Variants in UTRN observed in about 807,000 individuals in gnomAD.
The protein encoded by UTRN is dystrophin-related protein 1.
Under a neutral mutation model 463.9 loss-of-function variants are expected in UTRN, and 283 were observed. That is an observed-to-expected ratio of 0.61 (90% CI 0.55 to 0.67). UTRN has a LOEUF of 0.67. UTRN is among the 30% of genes least tolerant of loss of function. The probability of loss-of-function intolerance (pLI) is 0.00; values close to 1 mark genes in which losing one functional copy is unlikely to be tolerated. For missense variants in UTRN, 3,922 were observed against 4,084.3 expected, an observed-to-expected ratio of 0.96 and a Z score of 1.08; for synonymous variants, 1,442 against 1,431.5, an observed-to-expected ratio of 1.01 and a Z score of -0.17.
intron 51 of UTRN, among the ~76,000 whole-genome samples, chr6:144,639,990 A>G (rs1036016680): frequency 6.6e-6 from 1 of 152,146 alleles, no homozygotes; most frequent in South Asian, 2.1e-4. Context: ...GCCAGAGATG[A>G]TGCAGACAAC....
intron 58 of UTRN, among the ~76,000 whole-genome samples, chr6:144,759,906 G>A (rs1199049304): frequency 3.3e-5 from 5 of 151,922 alleles, no homozygotes; most frequent in Middle Eastern, 3.2e-3. Context: ...AGAAGTTCAC[G>A]CAAATTAATT....
chr6:144,849,003 G>A (rs1782258622), intron 74 of UTRN, among the ~76,000 whole-genome samples: 1 of 152,166 alleles, frequency 6.6e-6, no homozygotes, highest in East Asian at 1.9e-4. Context: ...GAGGAATGGG[G>A]GAGAATGGGG....
At chr6:144,826,239 A>C (rs1239112500) in intron 66 of UTRN, among the ~76,000 whole-genome samples, 1 of 152,024 alleles carries the variant, frequency 6.6e-6, no homozygotes, top group African/African-American at 2.4e-5. Context: ...CATCCCAATA[A>C]GATAATGTTC....
chr6:144,369,078 C>G (rs1331641407), intron 2 of UTRN, among the ~76,000 whole-genome samples: 1 of 152,190 alleles, frequency 6.6e-6, no homozygotes, highest in East Asian at 1.9e-4. Flanking sequence ...GAATTTCTGC[C>G]TGTGCTCAAA....
chr6:144,613,300 A>G (rs568160075), intron 51 of UTRN, among the ~76,000 whole-genome samples: 1 of 152,220 alleles, frequency 6.6e-6, no homozygotes, highest in East Asian at 1.9e-4. Context: ...AAGGAGAGAC[A>G]TGAATGAAAA....
In UTRN at chr6:144,490,084, A is replaced by C; in HGVS notation, c.4148A>C (p.Glu1383Ala). The C allele has an allele frequency of 6.2e-7, 1 of 1,610,206 alleles. No homozygotes were observed. The highest frequency in any genetic ancestry group is 8.5e-7 in the Non-Finnish European group (1 of 1,178,878). Residue 1383 changes from glutamate (E) to alanine (A), a missense_variant, in exon 31 of 75, where the codon GAG becomes GCG. Glu to Ala is a moderately radical substitution (Grantham distance 107, BLOSUM62 -1). Around this residue, in one of 3 missense-constraint regions of UTRN, gnomAD observed 2,349 missense variants for 2,303.8 expected, o/e 1.02. Coordinates refer to ENST00000367545, the MANE Select transcript of UTRN (RefSeq NM_007124.3). ...ATCTCTTTTTAGAAAATCCAAGCAG[A>C]GATCTCAGCCCATGAGCTAACCCTA... ...VPQEAQKIQAEISAHELTLEE... is the reference protein window; with the variant it reads ...VPQEAQKIQAAISAHELTLEE...
chr6:144,577,649 ATACT>A (rs1456142762), intron 51 of UTRN, among the ~76,000 whole-genome samples: 5 of 152,236 alleles, frequency 3.3e-5, no homozygotes, highest in African/African-American at 9.6e-5. Flanking sequence ...TTTATTATAC[ATACT>A]TAATATAAAA....
At chr6:144,355,689 G>T (rs1355081950) in intron 2 of UTRN, among the ~76,000 whole-genome samples, 2 of 151,980 alleles carry the variant, frequency 1.3e-5, no homozygotes, top group Non-Finnish European at 2.9e-5. Flanking sequence ...TGCAAAGATG[G>T]TATGTAAAGT....
intron 34 of UTRN, 137 bp from the exon 35 acceptor site, chr6:144,510,807 C>T (rs554379036): frequency 1.4e-6 from 1 of 712,286 alleles, no homozygotes; most frequent in South Asian, 5.9e-5. Flanking sequence ...ATTTTGTAAA[C>T]TTTGACATTG....
intron 22 of UTRN, among the ~76,000 whole-genome samples, chr6:144,462,318 GC>G (rs1190363810): frequency 6.6e-6 from 1 of 152,230 alleles, no homozygotes; most frequent in East Asian, 1.9e-4. Flanking sequence ...TCATTGATGG[GC>G]ATTTGGGTTG....
At position 144,387,749 on chromosome 6, in the gene UTRN, C is replaced by T. The variant is rs113506054; in HGVS notation, c.80-15374C>T. ...TTATCCAGTTTAGGAGCTTAGCTCCCGATACATTTCTGTCTCCCATCCTTT... is the reference window on the plus strand; with the variant it reads ...TTATCCAGTTTAGGAGCTTAGCTCCTGATACATTTCTGTCTCCCATCCTTT... On this transcript the variant is annotated intron_variant, in intron 2 of 74. Transcript: ENST00000367545. Among the ~76,000 whole-genome samples, 1,277 of 152,262 alleles carry T rather than the reference C, an allele frequency of 8.4e-3. 18 individuals carry two copies. Among genetic ancestry groups the T allele is most frequent in the African/African-American group, 0.029 (1,189 of 41,550 alleles).
At chr6:144,290,064 G>C (rs1452845303) in intron 1 of UTRN, among the ~76,000 whole-genome samples, 28 of 152,090 alleles carry the variant, frequency 1.8e-4, no homozygotes, top group Admixed American at 1.8e-3. Context: ...TATCAGTATA[G>C]ACAGATATAT....
chr6:144,583,472 T>A, intron 51 of UTRN: 1 of 703,336 alleles, frequency 1.4e-6, no homozygotes, highest in Non-Finnish European at 2.6e-6. Flanking sequence ...AATTCTGAGG[T>A]GTCTCCAGAA....
intron 23 of UTRN, 71 bp from the exon 24 acceptor site, chr6:144,473,649 C>A: frequency 1.8e-6 from 2 of 1,139,670 alleles, no homozygotes; most frequent in Non-Finnish European, 2.6e-6. Context: ...GTTCCAGTGG[C>A]GGTAGATCTT....
rs547874488 is a variant in UTRN at position 144,797,997 on chromosome 6, C to T, written c.9245+7C>T. 159 of 1,613,886 alleles carry T rather than the reference C, an allele frequency of 9.9e-5. No individual in the cohort carries two copies. The highest frequency in any genetic ancestry group is 1.2e-4 in the Non-Finnish European group (147 of 1,179,918). ...GTCCAATTGTCGGGTTCAGGTAAGG[C>T]GTGCCAGTGCTGGAGGAGGCTATTT... On this transcript the variant is annotated splice_region_variant and intron_variant, in intron 64 of 74. Transcript: ENST00000367545.
At chr6:144,493,105 T>C (rs1195627925) in intron 32 of UTRN, among the ~76,000 whole-genome samples, 196 bp from the exon 33 acceptor site, 2 of 152,220 alleles carry the variant, frequency 1.3e-5, no homozygotes, top group East Asian at 3.9e-4. Flanking sequence ...TATTTTCTTG[T>C]CAGATTTGAA....
chr6:144,469,710 T>TTTTTTTTTTTTTTTTTTTTTA (rs1790313348), intron 23 of UTRN, among the ~76,000 whole-genome samples: 1 of 150,360 alleles, frequency 6.7e-6, no homozygotes, highest in Non-Finnish European at 1.5e-5. Context: ...TTCCTTTTTT[T>TTTTTTTTTTTTTTTTTTTTTA]TTTTAGTATT....
intron 33 of UTRN, among the ~76,000 whole-genome samples, chr6:144,498,660 CT>C (rs570731157): frequency 0.06 from 8,795 of 145,482 alleles, 838 homozygotes; most frequent in African/African-American, 0.21. Flanking sequence ...ACATAACAAT[CT>C]TTTTTTTTTT....
At chr6:144,744,604 TACAC>T (rs554895139) in intron 54 of UTRN, among the ~76,000 whole-genome samples, 50 of 103,182 alleles carry the variant, frequency 4.8e-4, no homozygotes, top group Non-Finnish European at 6.7e-4. Context: ...TGACAGGGCA[TACAC>T]ACACACACAC....
Sources: gnomAD v4.1 joint callset for allele counts (sites outside exome capture counted in the v4.1 genomes callset) on GRCh38, gnomAD v4.1.1 for gene constraint, gnomAD v4.1.1 regional missense constraint, MANE v1.5 for transcripts, NCBI Gene and HGNC (gene_info 2026-07-23, HGNC 2026-07-21) for gene names.